The following GBE1 variants were observed in gnomAD, a reference collection of about 807,000 sequenced individuals.
GBE1 encodes 1,4-alpha-glucan branching enzyme 1, also known as 1,4-alpha-glucan-branching enzyme.
GBE1 carries 70 observed loss-of-function variants against 88.8 expected under a neutral mutation model. The observed-to-expected ratio is 0.79, with a 90% confidence interval of 0.65 to 0.96. The LOEUF (loss-of-function observed/expected upper bound fraction) is 0.96. Ranked by LOEUF, GBE1 falls within the 40% of genes least tolerant of loss-of-function variation. GBE1 has a pLI of 0.00. For missense variants in GBE1, 872 were observed against 871.0 expected (o/e 1.00, Z -0.01); for synonymous variants, 284 against 300.1 (o/e 0.95, Z 0.56).
At chr3:81,756,717 A>G (rs1003052393) in intron 1 of GBE1, among the ~76,000 whole-genome samples, 1 of 152,180 alleles carries the variant, frequency 6.6e-6, no homozygotes, top group African/African-American at 2.4e-5. Context: ...CTGTGTCCCA[A>G]AACATGTATA....
At chr3:81,714,654 TGCAAGCAGCTATCTG>T (rs1705917165) in intron 1 of GBE1, among the ~76,000 whole-genome samples, 1 of 152,218 alleles carries the variant, frequency 6.6e-6, no homozygotes, top group South Asian at 2.1e-4. Flanking sequence ...GGTTGTGGCT[TGCAAGCAGCTATCTG>T]AAGAGGCCAG....
intron 2 of GBE1, among the ~76,000 whole-genome samples, chr3:81,691,603 A>C (rs1368740837): frequency 1.3e-5 from 2 of 151,598 alleles, no homozygotes; most frequent in African/African-American, 2.4e-5. Flanking sequence ...ATACCAAGAC[A>C]CTCCTCTCTA....
At chr3:81,595,354 G>T (rs1446374877) in intron 7 of GBE1, among the ~76,000 whole-genome samples, 1 of 151,600 alleles carries the variant, frequency 6.6e-6, no homozygotes, top group Admixed American at 6.6e-5. Context: ...ATTTTGCATA[G>T]GAATTTTCAT....
At chr3:81,633,134 A>G (rs930110018) in intron 7 of GBE1, among the ~76,000 whole-genome samples, 1 of 152,190 alleles carries the variant, frequency 6.6e-6, no homozygotes, top group African/African-American at 2.4e-5. Context: ...CATGAAAAAA[A>G]TATTATTACC....
chr3:81,539,028 G>A (rs773241266), intron 12 of GBE1, among the ~76,000 whole-genome samples: 1 of 152,006 alleles, frequency 6.6e-6, no homozygotes, highest in African/African-American at 2.4e-5. Context: ...TGCCAGGCAC[G>A]ATTGTAGGCA....
intron 1 of GBE1, among the ~76,000 whole-genome samples, chr3:81,748,615 A>T (rs2107229108): frequency 6.6e-6 from 1 of 152,202 alleles, no homozygotes; most frequent in East Asian, 1.9e-4. Flanking sequence ...CTCTGTCTCA[A>T]AAAACAACAA....
intron 3 of GBE1, 193 bp from the exon 4 acceptor site, chr3:81,650,114 C>A: frequency 2.4e-6 from 1 of 411,074 alleles, no homozygotes; most frequent in Non-Finnish European, 4.3e-6. Context: ...CTATATCATC[C>A]TTAAAGTAAC....
intron 14 of GBE1, among the ~76,000 whole-genome samples, chr3:81,507,826 G>A (rs374673987): frequency 2.0e-5 from 3 of 152,108 alleles, no homozygotes; most frequent in East Asian, 1.9e-4. Flanking sequence ...AATGACAACC[G>A]TACATTTTAA....
chr3:81,717,184 A>G (rs1559697502), intron 1 of GBE1, among the ~76,000 whole-genome samples: 1 of 152,208 alleles, frequency 6.6e-6, no homozygotes, highest in Non-Finnish European at 1.5e-5. Flanking sequence ...ACACAGTCTT[A>G]GTCTACTGAT....
At chr3:81,541,599 A>G (rs1172502113) in intron 12 of GBE1, among the ~76,000 whole-genome samples, 1 of 152,020 alleles carries the variant, frequency 6.6e-6, no homozygotes, top group Non-Finnish European at 1.5e-5. Flanking sequence ...CAGGCCCCAG[A>G]GAGCTGCCTT....
At chr3:81,725,252 G>A (rs1393458449) in intron 1 of GBE1, among the ~76,000 whole-genome samples, 2 of 151,924 alleles carry the variant, frequency 1.3e-5, no homozygotes, top group Admixed American at 6.6e-5. Flanking sequence ...GGACTCTTTT[G>A]TAATAATATG....
chr3:81,597,667 C>A (rs1703978498), intron 7 of GBE1, among the ~76,000 whole-genome samples: 1 of 148,912 alleles, frequency 6.7e-6, no homozygotes. Context: ...TGGAGCAAAA[C>A]AAAATCTGTA....
intron 1 of GBE1, among the ~76,000 whole-genome samples, chr3:81,745,090 A>G (rs1706402773): frequency 6.6e-6 from 1 of 152,132 alleles, no homozygotes; most frequent in South Asian, 2.1e-4. Flanking sequence ...TCTTACTCAT[A>G]TTTGTTCTGC....
At chr3:81,714,642 G>A (rs1459877385) in intron 1 of GBE1, among the ~76,000 whole-genome samples, 2 of 152,156 alleles carry the variant, frequency 1.3e-5, no homozygotes, top group Admixed American at 6.5e-5. Context: ...TGGCCCTATA[G>A]AGGTTGTGGC....
At chr3:81,564,604 G>A (rs1703466990) in intron 12 of GBE1, among the ~76,000 whole-genome samples, 1 of 152,120 alleles carries the variant, frequency 6.6e-6, no homozygotes, top group South Asian at 2.1e-4. Flanking sequence ...AGAAAAAAAT[G>A]TGGGTAAGTT....
intron 14 of GBE1, among the ~76,000 whole-genome samples, chr3:81,514,624 A>C (rs1333086228): frequency 6.6e-6 from 1 of 151,660 alleles, no homozygotes. Context: ...TCTGAGAAAC[A>C]GAAACTTCTT....
chr3:81,557,204 A>G, intron 12 of GBE1, among the ~76,000 whole-genome samples: 1 of 152,096 alleles, frequency 6.6e-6, no homozygotes, highest in East Asian at 1.9e-4. Context: ...AAATTATAAA[A>G]AAGATACCGA....
intron 7 of GBE1, among the ~76,000 whole-genome samples, chr3:81,635,170 G>A (rs1185621858): frequency 1.3e-5 from 2 of 152,152 alleles, no homozygotes; most frequent in Non-Finnish European, 2.9e-5. Context: ...ACAGGTAAAA[G>A]TCTAATCTTG....
chr3:81,617,825 C>T (rs1034255983), intron 7 of GBE1, among the ~76,000 whole-genome samples: 4 of 151,582 alleles, frequency 2.6e-5, no homozygotes, highest in Non-Finnish European at 5.9e-5. Flanking sequence ...CAGAAAATTG[C>T]CCATTGAAAA....
Sources: gnomAD v4.1 joint callset for allele counts (sites outside exome capture counted in the v4.1 genomes callset) on GRCh38, gnomAD v4.1.1 for gene constraint, MANE v1.5 for transcripts, NCBI Gene and HGNC (gene_info 2026-07-23, HGNC 2026-07-21) for gene names.